Variants in DPYD observed in about 807,000 individuals in gnomAD.
DPYD encodes the protein dihydropyrimidine dehydrogenase.
Under a neutral mutation model 116.2 loss-of-function variants are expected in DPYD, and 109 were observed. The observed-to-expected ratio is 0.94, with a 90% confidence interval of 0.80 to 1.10. DPYD has a LOEUF of 1.10. Ranked by LOEUF, DPYD falls within the 50% of genes least tolerant of loss-of-function variation. The probability of loss-of-function intolerance (pLI) is 0.00; values close to 1 mark genes in which losing one functional copy is unlikely to be tolerated. For synonymous variants in DPYD, 440 were observed against 432.0 expected, an observed-to-expected ratio of 1.02 and a Z score of -0.23; for missense variants, 1,302 against 1,254.5, an observed-to-expected ratio of 1.04 and a Z score of -0.57.
chr1:97,270,605 G>A (rs972963655), intron 18 of DPYD, among the ~76,000 whole-genome samples: 4 of 152,132 alleles, frequency 2.6e-5, no homozygotes, highest in Non-Finnish European at 4.4e-5. Context: ...GCTACATAAG[G>A]TAGAGTTTGG....
intron 3 of DPYD, among the ~76,000 whole-genome samples, chr1:97,784,589 A>G (rs955521800): frequency 7.2e-5 from 11 of 152,242 alleles, no homozygotes; most frequent in African/African-American, 2.4e-4. Context: ...AAAGAAATCC[A>G]GTTTATATTT....
intron 3 of DPYD, among the ~76,000 whole-genome samples, chr1:97,752,435 A>T (rs1664986069): frequency 6.6e-6 from 1 of 151,966 alleles, no homozygotes; most frequent in African/African-American, 2.4e-5. Context: ...TTCAGCACGA[A>T]TTTTTTTCTA....
At chr1:97,819,417 C>T (rs1338078904) in intron 3 of DPYD, among the ~76,000 whole-genome samples, 2 of 151,860 alleles carry the variant, frequency 1.3e-5, no homozygotes, top group Non-Finnish European at 2.9e-5. Context: ...TATACATGGG[C>T]ATTTCTGATT....
At chr1:97,374,277 T>C (rs916254003) in intron 15 of DPYD, among the ~76,000 whole-genome samples, 5 of 152,196 alleles carry the variant, frequency 3.3e-5, no homozygotes, top group Non-Finnish European at 7.3e-5. Context: ...GAATCCTTCT[T>C]ATTTAAATCA....
At chr1:97,497,038 T>C (rs890497775) in intron 13 of DPYD, among the ~76,000 whole-genome samples, 1 of 151,934 alleles carries the variant, frequency 6.6e-6, no homozygotes, top group African/African-American at 2.4e-5. Context: ...AGACTCAAGC[T>C]AGATCTCAGG....
At chr1:97,493,946 A>G (rs1445742531) in intron 13 of DPYD, among the ~76,000 whole-genome samples, 1 of 152,198 alleles carries the variant, frequency 6.6e-6, no homozygotes, top group Non-Finnish European at 1.5e-5. Flanking sequence ...GCTGTGTTCA[A>G]GGAACTGAGA....
At chr1:97,457,046 G>C (rs1481538734) in intron 13 of DPYD, among the ~76,000 whole-genome samples, 1 of 151,944 alleles carries the variant, frequency 6.6e-6, no homozygotes, top group Non-Finnish European at 1.5e-5. Flanking sequence ...TCTCAGTCTT[G>C]GCCTAGGCTG....
At chr1:97,279,839 A>C (rs576297385) in intron 18 of DPYD, 4 of 152,332 alleles carry the variant, frequency 2.6e-5, no homozygotes, top group African/African-American at 4.8e-5. Flanking sequence ...TACTCCAGAT[A>C]TCAAAACTAG....
intron 5 of DPYD, among the ~76,000 whole-genome samples, chr1:97,701,290 A>G (rs1661585090): frequency 6.6e-6 from 1 of 150,484 alleles, no homozygotes; most frequent in Non-Finnish European, 1.5e-5. Context: ...ATTTCATAGC[A>G]AGGAAATGGT....
chr1:97,127,742 C>A (rs1256450823), intron 20 of DPYD, among the ~76,000 whole-genome samples: 2 of 152,046 alleles, frequency 1.3e-5, no homozygotes, highest in African/African-American at 4.8e-5. Flanking sequence ...TATTTTGAGA[C>A]CTTTGACATC....
intron 3 of DPYD, among the ~76,000 whole-genome samples, chr1:97,794,280 G>A (rs1479742264): frequency 6.6e-6 from 1 of 152,050 alleles, no homozygotes; most frequent in Admixed American, 6.6e-5. Flanking sequence ...CCACATACTA[G>A]GAGGAAATAT....
At chr1:97,117,166 A>C (rs2101635984) in intron 20 of DPYD, among the ~76,000 whole-genome samples, 1 of 152,206 alleles carries the variant, frequency 6.6e-6, no homozygotes, top group Admixed American at 6.5e-5. Flanking sequence ...TCCATAAAAA[A>C]AAAATGCAAC....
chr1:97,363,502 CA>C (rs1377158905), intron 16 of DPYD, among the ~76,000 whole-genome samples: 1 of 152,136 alleles, frequency 6.6e-6, no homozygotes, highest in African/African-American at 2.4e-5. Flanking sequence ...CACATGCACA[CA>C]TATGTTTATT....
At position 97,160,008 on chromosome 1, in the gene DPYD, T is replaced by C. The variant is rs922914887; in HGVS notation, c.2622+33061A>G. Among the ~76,000 whole-genome samples the C allele has an allele frequency of 2.0e-4, 31 of 152,130 alleles. No individual in the cohort carries two copies. The East Asian group carries it at 5.0e-3, about 25-fold the overall frequency. On this transcript the variant is annotated intron_variant, in intron 20 of 22. Coordinates refer to ENST00000370192, the MANE Select transcript of DPYD (RefSeq NM_000110.4). ...AGAAAGATGAAGGATAAAATCTTTCTTACTGATACTATTATCATTAGGATA... is the reference window on the plus strand; with the variant it reads ...AGAAAGATGAAGGATAAAATCTTTCCTACTGATACTATTATCATTAGGATA...
At chr1:97,697,408 T>C (rs573487181) in intron 6 of DPYD, among the ~76,000 whole-genome samples, 1 of 152,220 alleles carries the variant, frequency 6.6e-6, no homozygotes, top group Non-Finnish European at 1.5e-5. Flanking sequence ...TTAGCCACTT[T>C]CAAGATACAA....
intron 2 of DPYD, among the ~76,000 whole-genome samples, chr1:97,871,909 A>G (rs570264822): frequency 4.0e-5 from 6 of 151,836 alleles, no homozygotes; most frequent in Admixed American, 6.6e-5. Flanking sequence ...ATACTTACAT[A>G]AGGTTATATA....
At chr1:97,135,862 A>T (rs1243201220) in intron 20 of DPYD, among the ~76,000 whole-genome samples, 1 of 152,152 alleles carries the variant, frequency 6.6e-6, no homozygotes, top group Admixed American at 6.5e-5. Flanking sequence ...AATAGTGGAA[A>T]TACTAGGCTG....
At chr1:97,178,887 T>A (rs1255876468) in intron 20 of DPYD, among the ~76,000 whole-genome samples, 2 of 152,210 alleles carry the variant, frequency 1.3e-5, no homozygotes, top group Admixed American at 1.3e-4. Context: ...TATCTGACCA[T>A]CTAGGCCATC....
intron 13 of DPYD, among the ~76,000 whole-genome samples, chr1:97,490,177 T>C (rs186971637): frequency 3.9e-5 from 6 of 151,966 alleles, no homozygotes; most frequent in African/African-American, 9.6e-5. Context: ...TAAGCTGTCA[T>C]TGTCATCATC....
Sources: gnomAD v4.1 joint callset for allele counts (sites outside exome capture counted in the v4.1 genomes callset) on GRCh38, gnomAD v4.1.1 for gene constraint, MANE v1.5 for transcripts, NCBI Gene and HGNC (gene_info 2026-07-23, HGNC 2026-07-21) for gene names.